The following PCDH19 variants were observed in gnomAD, a reference collection of about 807,000 sequenced individuals.
The protein encoded by PCDH19 is protocadherin-19.
Under a neutral mutation model 46.2 loss-of-function variants are expected in PCDH19, and 6 were observed. That is an observed-to-expected ratio of 0.13 (90% CI 0.07 to 0.26). The LOEUF is 0.26. PCDH19 is among the 10% of genes least tolerant of loss of function. PCDH19 has a pLI of 1.00. For synonymous variants in PCDH19, 481 were observed against 415.7 expected (o/e 1.16, Z -1.91); for missense variants, 740 against 972.3 (o/e 0.76, Z 3.18).
At chrX:100,300,315 T>C (rs1924734652) in intron 5 of PCDH19, among the ~76,000 whole-genome samples, 1 of 112,156 alleles carries the variant, frequency 8.9e-6, no homozygotes, top group African/African-American at 3.2e-5. Context: ...ATAGGACTTG[T>C]AAAGATTATG....
chrX:100,393,497 TACACAC>T (rs57070852), intron 3 of PCDH19, among the ~76,000 whole-genome samples: 29,816 of 89,775 alleles, frequency 0.33, 3,908 homozygotes, highest in African/African-American at 0.4. Context: ...CATACATACA[TACACAC>T]ACACACACAC....
chrX:100,355,540 A>G (rs1243087681), intron 3 of PCDH19, among the ~76,000 whole-genome samples: 1 of 111,847 alleles, frequency 8.9e-6, no homozygotes, highest in Non-Finnish European at 1.9e-5. Flanking sequence ...CTTGGAAACT[A>G]TACAATTATA....
intron 5 of PCDH19, among the ~76,000 whole-genome samples, chrX:100,319,707 T>G (rs1925416808): frequency 8.9e-6 from 1 of 112,181 alleles, no homozygotes; most frequent in Non-Finnish European, 1.9e-5. Flanking sequence ...CCATGGGATT[T>G]GGTAGTTCCA....
chrX:100,326,170 T>C lies in PCDH19; in HGVS notation c.2848+15733A>G, dbSNP rs183032739. On this transcript the variant is annotated intron_variant, in intron 5 of 5. Coordinates refer to ENST00000373034, the MANE Select transcript of PCDH19 (RefSeq NM_001184880.2). ...ATTTTATAAAGGGCTTTGGTTGAGA[T>C]TTTTTTTCTATCATTAACAAATTTA... Among the ~76,000 whole-genome samples, 30 of 111,654 alleles carry C rather than the reference T, an allele frequency of 2.7e-4. 1 individual carries two copies. The East Asian group carries it at 8.5e-3, about 32-fold the overall frequency.
At chrX:100,337,822 G>A (rs1419660422) in intron 5 of PCDH19, among the ~76,000 whole-genome samples, 1 of 111,701 alleles carries the variant, frequency 9.0e-6, no homozygotes, top group African/African-American at 3.3e-5. Flanking sequence ...GCAAAGAAAT[G>A]ATAAATGTTT....
chrX:100,333,502 T>G (rs1452537816), intron 5 of PCDH19, among the ~76,000 whole-genome samples: 1 of 112,064 alleles, frequency 8.9e-6, no homozygotes, highest in Non-Finnish European at 1.9e-5. Context: ...TCAAAAATCT[T>G]AATTACTTTC....
At chrX:100,337,829 G>A (rs780883322) in intron 5 of PCDH19, among the ~76,000 whole-genome samples, 1 of 111,768 alleles carries the variant, frequency 8.9e-6, no homozygotes, top group South Asian at 3.8e-4. Context: ...AATGATAAAT[G>A]TTTGAGGTTG....
rs1394722805 is a variant in PCDH19 at position 100,307,019 on chromosome X, G to GA, written c.2849-10145dup. Among the ~76,000 whole-genome samples the GA allele has an allele frequency of 4.5e-5, 5 of 111,786 alleles. No individual in the cohort carries two copies. In the East Asian group the frequency reaches 1.1e-3, roughly 25 times the overall value. The stretch of plus-strand genomic sequence containing the variant: ...TATTAACACTATTCCACAGAACAGA[G>GA]AAAGAGGGAATCCTCCCTAAATCAT... On this transcript the variant is annotated intron_variant, in intron 5 of 5. Transcript: ENST00000373034.
rs147395619 is a variant in PCDH19, at chrX:100,380,120, T to G, written c.2616+22404A>C. ...ACAACCACCACCTCCTGCCTCAGCC[T>G]CTTTCCACTTTTTTAACGAATGGCT... is the stretch of plus-strand genomic sequence containing the variant. On this transcript the variant is annotated intron_variant, in intron 3 of 5. Transcript: ENST00000373034. Among the ~76,000 whole-genome samples the G allele has an allele frequency of 3.6e-3, 402 of 112,463 alleles. 1 individual carries two copies. The highest frequency in any genetic ancestry group is 0.012 in the African/African-American group (385 of 30,948).
Position 100,296,036 on chromosome X carries a change from C to T in PCDH19, c.*241G>A, listed in dbSNP as rs1238536950. The T allele has an allele frequency of 2.4e-6, 1 of 415,121 alleles. No homozygotes were observed. Among genetic ancestry groups the T allele is most frequent in the East Asian group, 3.8e-5 (1 of 26,457 alleles). 34.2% of individuals were successfully genotyped at this position (415,121 alleles called of 1,213,427 possible). A position where few individuals can be genotyped will look rare whatever the true frequency, so the allele number is the denominator to read the frequency against. On this transcript the variant is annotated 3_prime_UTR_variant, in exon 6 of 6. Coordinates refer to ENST00000373034, the MANE Select transcript of PCDH19 (RefSeq NM_001184880.2). ...TTCACAACTGAATTTGTCTCTGTTT[C>T]CCCAACATCAAGGCCCCATGAACAA...
chrX:100,327,065 G>A (rs1457086514), intron 5 of PCDH19, among the ~76,000 whole-genome samples: 1 of 112,158 alleles, frequency 8.9e-6, no homozygotes, highest in South Asian at 3.7e-4. Context: ...AGTGTGAACA[G>A]TAACTGTAAA....
At chrX:100,341,565 A>T (rs1926251597) in intron 5 of PCDH19, among the ~76,000 whole-genome samples, 2 of 112,107 alleles carry the variant, frequency 1.8e-5, no homozygotes, top group South Asian at 7.5e-4. Context: ...GAATTCATGT[A>T]CTAAAGCAAA....
At chrX:100,337,075 C>T (rs1312413286) in intron 5 of PCDH19, among the ~76,000 whole-genome samples, 9 of 111,419 alleles carry the variant, frequency 8.1e-5, no homozygotes, top group Non-Finnish European at 3.8e-5. Context: ...ACGCAACAAA[C>T]CCATGAGCCT....
At chrX:100,325,664 G>C (rs755753232) in intron 5 of PCDH19, among the ~76,000 whole-genome samples, 1 of 112,211 alleles carries the variant, frequency 8.9e-6, no homozygotes, top group Non-Finnish European at 1.9e-5. Flanking sequence ...CACCGCGCCC[G>C]GCCAGGACTA....
chrX:100,315,285 G>A (rs1470690105), intron 5 of PCDH19, among the ~76,000 whole-genome samples: 3 of 112,173 alleles, frequency 2.7e-5, no homozygotes, highest in African/African-American at 9.7e-5. Context: ...TCCCTATTAG[G>A]AGAATGAATG....
At chrX:100,370,804 T>A (rs931530610) in intron 3 of PCDH19, among the ~76,000 whole-genome samples, 1 of 111,204 alleles carries the variant, frequency 9.0e-6, no homozygotes, top group African/African-American at 3.3e-5. Context: ...AATCTTTCAT[T>A]TTTAGGAGGT....
rs1326894897 is a variant in PCDH19, at chrX:100,293,178, A to AT, written c.*3098dup. 8.9e-6 allele frequency: 1 copy of AT among 112,285 alleles called. No homozygotes were observed. Among genetic ancestry groups the AT allele is most frequent in the African/African-American group, 3.2e-5 (1 of 30,908 alleles). 9.3% of individuals were successfully genotyped at this position (112,285 alleles called of 1,213,427 possible). A position where few individuals can be genotyped will look rare whatever the true frequency, so the allele number is the denominator to read the frequency against. On this transcript the variant is annotated 3_prime_UTR_variant, in exon 6 of 6. Transcript: ENST00000373034. ...TCCAATTTTCAGAGATCTAAATTGTATTTTTTAAAAATATTTCTGATTAGA... is the reference window on the plus strand; with the variant it reads ...TCCAATTTTCAGAGATCTAAATTGTATTTTTTTAAAAATATTTCTGATTAGA...
At chrX:100,351,019 T>C (rs887627289) in intron 3 of PCDH19, among the ~76,000 whole-genome samples, 1 of 112,719 alleles carries the variant, frequency 8.9e-6, no homozygotes, top group African/African-American at 3.2e-5. Context: ...TACTTCCCAT[T>C]CCCCAGTGGA....
intron 5 of PCDH19, among the ~76,000 whole-genome samples, chrX:100,332,309 G>A (rs986638672): frequency 8.9e-6 from 1 of 111,819 alleles, no homozygotes; most frequent in African/African-American, 3.3e-5. Flanking sequence ...ATCACCTGAG[G>A]TCAGGAGTTC....
Sources: gnomAD v4.1 joint callset for allele counts (sites outside exome capture counted in the v4.1 genomes callset) on GRCh38, gnomAD v4.1.1 for gene constraint, MANE v1.5 for transcripts, NCBI Gene and HGNC (gene_info 2026-07-23, HGNC 2026-07-21) for gene names.